The following MXI1 variants were observed in gnomAD, a reference collection of about 807,000 sequenced individuals.
MXI1 encodes the protein max-interacting protein 1.
Under a neutral mutation model 36.9 loss-of-function variants are expected in MXI1, and 18 were observed. That is an observed-to-expected ratio of 0.49 (90% CI 0.34 to 0.72). MXI1 has a LOEUF of 0.72. MXI1 is among the 30% of genes least tolerant of loss of function. MXI1 has a pLI of 0.01. For synonymous variants in MXI1, 160 were observed against 146.7 expected, an observed-to-expected ratio of 1.09 and a Z score of -0.65; for missense variants, 304 against 379.1, an observed-to-expected ratio of 0.80 and a Z score of 1.64.
chr10:110,280,376 G>A (rs1161640523), intron 5 of MXI1, among the ~76,000 whole-genome samples: 1 of 151,764 alleles, frequency 6.6e-6, no homozygotes, highest in African/African-American at 2.4e-5. Flanking sequence ...ATACAGTTGG[G>A]GTAAGGAATA....
At chr10:110,269,601 A>G (rs777222363) in intron 3 of MXI1, among the ~76,000 whole-genome samples, 1 of 152,234 alleles carries the variant, frequency 6.6e-6, no homozygotes, top group Non-Finnish European at 1.5e-5. Flanking sequence ...CTTTTGTAGA[A>G]GAGAAGACTT....
At chr10:110,240,120 T>C (rs553573713) in intron 2 of MXI1, among the ~76,000 whole-genome samples, 1 of 152,220 alleles carries the variant, frequency 6.6e-6, no homozygotes, top group South Asian at 2.1e-4. Flanking sequence ...TTTATTCTCA[T>C]TGCTGTGTAA....
rs1857444179 is a variant in MXI1, at chr10:110,287,338, G to GGAA, written c.*2355_*2357dup. 1 of 152,152 alleles carries GGAA rather than the reference G, an allele frequency of 6.6e-6. No individual in the cohort carries two copies. Among genetic ancestry groups the GGAA allele is most frequent in the African/African-American group, 2.4e-5 (1 of 41,440 alleles). The allele number at this position is 152,152 out of a possible 1,614,324, so 9.4% of individuals were successfully genotyped here. ...AACTTTGAAGACACAAAAGTTAATT[G>GGAA]GAAGAAATAAAAACTGTGAACGAAG... On this transcript the variant is annotated 3_prime_UTR_variant, in exon 6 of 6. Coordinates refer to ENST00000332674, the MANE Select transcript of MXI1 (RefSeq NM_130439.3).
At chr10:110,245,493 C>T (rs543972683) in intron 3 of MXI1, among the ~76,000 whole-genome samples, 3 of 151,982 alleles carry the variant, frequency 2.0e-5, no homozygotes, top group Admixed American at 2.0e-4. Context: ...CACCTGATAC[C>T]TTTTTGAAGG....
chr10:110,239,904 G>A (rs148057196), intron 2 of MXI1, among the ~76,000 whole-genome samples: 97 of 151,182 alleles, frequency 6.4e-4, no homozygotes, highest in African/African-American at 2.3e-3. Flanking sequence ...TCCAGTCACT[G>A]TCACCCCCTC....
At chr10:110,210,363 T>A in intron 1 of MXI1, 4 of 857,000 alleles carry the variant, frequency 4.7e-6, no homozygotes, top group Non-Finnish European at 5.6e-6. Flanking sequence ...TCCGGCCGGC[T>A]CCCGGCGGGA....
chr10:110,285,089 C>G lies in MXI1; in HGVS notation c.*102C>G. ...TCATGATGCAGTCTCCTCTTTAAAA[C>G]AAAACAAAACAAAACAAAACTATAC... On this transcript the variant is annotated 3_prime_UTR_variant, in exon 6 of 6. Transcript: ENST00000332674. The G allele has an allele frequency of 4.1e-6, 1 of 245,708 alleles. No homozygotes were observed. The highest frequency in any genetic ancestry group is 6.2e-6 in the Non-Finnish European group (1 of 161,858). 15.2% of individuals were successfully genotyped at this position (245,708 alleles called of 1,614,324 possible). A position where few individuals can be genotyped will look rare whatever the true frequency, so the allele number is the denominator to read the frequency against.
chr10:110,236,230 C>T (rs895862005), intron 2 of MXI1, among the ~76,000 whole-genome samples: 1 of 128,112 alleles, frequency 7.8e-6, no homozygotes, highest in African/African-American at 3.0e-5. Context: ...ATTAAATGGC[C>T]TTGGCACCTT....
intron 3 of MXI1, among the ~76,000 whole-genome samples, chr10:110,247,563 A>G (rs1322432183): frequency 6.6e-6 from 1 of 152,158 alleles, no homozygotes; most frequent in Non-Finnish European, 1.5e-5. Flanking sequence ...TAATTTTTGT[A>G]TAAGGTGTAA....
At chr10:110,271,335 TAG>T (rs1218522440) in intron 3 of MXI1, among the ~76,000 whole-genome samples, 1 of 152,162 alleles carries the variant, frequency 6.6e-6, no homozygotes, top group Non-Finnish European at 1.5e-5. Flanking sequence ...TTTGGTGAGT[TAG>T]AGAGTCCCAG....
chr10:110,229,662 C>T (rs1855191591), intron 2 of MXI1, among the ~76,000 whole-genome samples: 1 of 152,058 alleles, frequency 6.6e-6, no homozygotes, highest in African/African-American at 2.4e-5. Context: ...GCTTGATGTA[C>T]TATCTGTGTT....
intron 3 of MXI1, among the ~76,000 whole-genome samples, chr10:110,262,055 A>G (rs1856531175): frequency 6.6e-6 from 1 of 152,222 alleles, no homozygotes; most frequent in Non-Finnish European, 1.5e-5. Context: ...GCATTTCAAT[A>G]TGATCTCATT....
At chr10:110,274,411 A>G (rs910764208) in intron 3 of MXI1, among the ~76,000 whole-genome samples, 25 of 152,062 alleles carry the variant, frequency 1.6e-4, no homozygotes, top group African/African-American at 6.0e-4. Flanking sequence ...TCATTGTGTA[A>G]CCCCATCCCT....
Position 110,287,207 on chromosome 10 carries a change from A to G in MXI1, c.*2220A>G, listed in dbSNP as rs1172672063. 6.6e-6 allele frequency: 1 copy of G among 152,202 alleles called. No individual in the cohort carries two copies. The highest frequency in any genetic ancestry group is 1.5e-5 in the Non-Finnish European group (1 of 68,036). 9.4% of individuals were successfully genotyped at this position (152,202 alleles called of 1,614,324 possible). On this transcript the variant is annotated 3_prime_UTR_variant, in exon 6 of 6. Coordinates refer to ENST00000332674, the MANE Select transcript of MXI1 (RefSeq NM_130439.3). ...TGGAAAGCATTTGTTATAAACCTAT[A>G]GTGCACATTTTAACTGCCCCCTAAA... is the stretch of plus-strand genomic sequence containing the variant.
intron 1 of MXI1, among the ~76,000 whole-genome samples, chr10:110,223,602 A>G (rs1854876890): frequency 6.6e-6 from 1 of 152,046 alleles, no homozygotes; most frequent in Non-Finnish European, 1.5e-5. Flanking sequence ...AATAAAAAAT[A>G]AATAAATTCT....
At chr10:110,245,270 A>G (rs886594081) in intron 3 of MXI1, among the ~76,000 whole-genome samples, 3 of 152,160 alleles carry the variant, frequency 2.0e-5, no homozygotes, top group African/African-American at 7.2e-5. Flanking sequence ...CATGCATTCA[A>G]CAACTATTTA....
intron 3 of MXI1, chr10:110,257,817 G>T (rs921725270): frequency 2.8e-6 from 1 of 352,870 alleles, no homozygotes; most frequent in South Asian, 2.8e-5. Flanking sequence ...TGAGCTGCTG[G>T]AACCTATTCC....
intron 1 of MXI1, among the ~76,000 whole-genome samples, chr10:110,211,238 A>C (rs1014966380): frequency 6.6e-6 from 1 of 152,032 alleles, no homozygotes; most frequent in East Asian, 1.9e-4. Context: ...TGGTTTCCAC[A>C]TGGAGACAAA....
intron 3 of MXI1, among the ~76,000 whole-genome samples, chr10:110,255,517 C>CA (rs1180955947): frequency 6.6e-5 from 10 of 152,208 alleles, no homozygotes; most frequent in African/African-American, 1.9e-4. Flanking sequence ...GATAGTGAAT[C>CA]TTCTGATGGA....
Sources: gnomAD v4.1 joint callset for allele counts (sites outside exome capture counted in the v4.1 genomes callset) on GRCh38, gnomAD v4.1.1 for gene constraint, MANE v1.5 for transcripts, NCBI Gene and HGNC (gene_info 2026-07-23, HGNC 2026-07-21) for gene names.